Variants in TYW2 observed in about 807,000 individuals in gnomAD.
TYW2 encodes the protein tRNA wybutosine-synthesizing protein 2 homolog.
the TYW2 span, chr8:124,452,087 C>T: frequency 1.9e-6 from 3 of 1,614,216 alleles, no homozygotes; most frequent in Non-Finnish European, 1.7e-6. Context: ...CTGTCACCAG[C>T]CACCAAGCCA....
At chr8:124,452,037 A>C in the TYW2 span, 14 of 1,614,182 alleles carry the variant, frequency 8.7e-6, 1 homozygote, top group African/African-American at 1.7e-4. Context: ...CCACCAACCA[A>C]TGGAAAAATG....
chr8:124,451,744 G>A, the TYW2 span: 1 of 1,614,148 alleles, frequency 6.2e-7, no homozygotes, highest in Non-Finnish European at 8.5e-7. Context: ...TGCTGTAGTT[G>A]CTCTGAGAAA....
At chr8:124,451,800 T>A in the TYW2 span, 6 of 1,614,162 alleles carry the variant, frequency 3.7e-6, no homozygotes, top group East Asian at 4.5e-5. Flanking sequence ...AAATACACTT[T>A]GGAGATAACA....
chr8:124,450,851 CA>C, the TYW2 span: 1 of 1,514,064 alleles, frequency 6.6e-7, no homozygotes, highest in Non-Finnish European at 8.9e-7. Flanking sequence ...GGGTGAGCTG[CA>C]GGCTACCTTA....
At chr8:124,451,299 C>A in the TYW2 span, 1 of 1,613,996 alleles carries the variant, frequency 6.2e-7, no homozygotes, top group African/African-American at 1.3e-5. Context: ...AGTGGTCAGC[C>A]GAGTTGGAGG....
chr8:124,450,836 T>C, the TYW2 span: 6 of 1,454,402 alleles, frequency 4.1e-6, no homozygotes, highest in Admixed American at 6.6e-5. Flanking sequence ...GGCACCGGCA[T>C]GGCCGGGTGA....
chr8:124,452,044 A>G, the TYW2 span: 6 of 1,614,218 alleles, frequency 3.7e-6, no homozygotes, highest in Non-Finnish European at 5.1e-6. Flanking sequence ...CCAATGGAAA[A>G]ATGGAGCTAC....
the TYW2 span, chr8:124,452,307 G>T: frequency 6.3e-7 from 1 of 1,597,886 alleles, no homozygotes; most frequent in South Asian, 1.1e-5. Context: ...TGGGATCCAC[G>T]TGCGAGTGGC....
At chr8:124,452,462 A>G in the TYW2 span, 1 of 609,934 alleles carries the variant, frequency 1.6e-6, no homozygotes, top group Non-Finnish European at 2.8e-6. Context: ...AAAATGAAAT[A>G]CCTGTTTGGG....
At chr8:124,450,873 G>T in the TYW2 span, 23 of 1,552,810 alleles carry the variant, frequency 1.5e-5, no homozygotes, top group Non-Finnish European at 2.0e-5. Context: ...TTTAAGACCG[G>T]GAATTTAGTC....
chr8:124,451,001 C>T, the TYW2 span: 3 of 1,614,044 alleles, frequency 1.9e-6, no homozygotes, highest in African/African-American at 4.0e-5. Context: ...GCAGTTGTGA[C>T]TGAGCCTTGG....
At chr8:124,452,437 T>C in the TYW2 span, 2 of 674,936 alleles carry the variant, frequency 3.0e-6, no homozygotes, top group Non-Finnish European at 4.9e-6. Flanking sequence ...TTCATTTGTC[T>C]TTCATTGATA....
the TYW2 span, chr8:124,450,989 T>C: frequency 1.2e-6 from 2 of 1,614,192 alleles, no homozygotes. Flanking sequence ...GTGGCTGTTG[T>C]CGCAGTTGTG....
At chr8:124,451,170 C>T in the TYW2 span, 1 of 1,614,166 alleles carries the variant, frequency 6.2e-7, no homozygotes, top group Non-Finnish European at 8.5e-7. Flanking sequence ...TTGCCCCAGG[C>T]AGTCCCTGTA....
chr8:124,451,645 G>C, the TYW2 span: 1 of 1,614,218 alleles, frequency 6.2e-7, no homozygotes, highest in East Asian at 2.2e-5. Context: ...AGTGCTGGTG[G>C]ATCTCTATGC....
the TYW2 span, chr8:124,450,853 G>A: frequency 1.1e-5 from 16 of 1,523,040 alleles, no homozygotes; most frequent in South Asian, 1.3e-4. Flanking sequence ...GTGAGCTGCA[G>A]GCTACCTTAT....
the TYW2 span, chr8:124,452,070 A>G: frequency 1.1e-5 from 18 of 1,614,074 alleles, no homozygotes; most frequent in South Asian, 7.7e-5. Context: ...ATTCTAGGGG[A>G]AAAATGCTGT....
the TYW2 span, chr8:124,451,685 T>C: frequency 1.2e-6 from 2 of 1,614,250 alleles, no homozygotes; most frequent in Non-Finnish European, 1.7e-6. Flanking sequence ...TTGCCTTTCC[T>C]AGTTCATGCT....
chr8:124,450,871 C>T, the TYW2 span: 32 of 1,550,096 alleles, frequency 2.1e-5, no homozygotes, highest in Non-Finnish European at 2.4e-5. Context: ...TATTTAAGAC[C>T]GGGAATTTAG....
Sources: gnomAD v4.1 joint callset for allele counts on GRCh38, gnomAD v4.1.1 for gene constraint, MANE v1.5 for transcripts, NCBI Gene and HGNC (gene_info 2026-07-23, HGNC 2026-07-21) for gene names.